The following STK31 variants were observed in gnomAD, a reference collection of about 807,000 sequenced individuals.
STK31 encodes the protein serine/threonine kinase 31.
STK31 carries 89 observed loss-of-function variants against 129.7 expected under a neutral mutation model. The observed-to-expected ratio is 0.69, with a 90% CI of 0.58 to 0.82. The LOEUF (loss-of-function observed/expected upper bound fraction) is 0.82. Among genes scored for constraint, STK31 ranks in the 40% least tolerant of loss-of-function variants. STK31 has a pLI of 0.00. For missense variants in STK31, 1,187 were observed against 1,176.4 expected, an observed-to-expected ratio of 1.01 and a Z score of -0.13; for synonymous variants, 448 against 395.3, an observed-to-expected ratio of 1.13 and a Z score of -1.58.
chr7:23,729,415 AG>A (rs1787265984), intron 6 of STK31, among the ~76,000 whole-genome samples, 166 bp downstream of exon 6: 2 of 152,184 alleles, frequency 1.3e-5, no homozygotes, highest in Admixed American at 6.5e-5. Flanking sequence ...CATCTTTGCT[AG>A]GTAAACATTG....
Position 23,735,407 on chromosome 7 carries a change from T to G in STK31, c.484-131T>G, listed in dbSNP as rs373203386. On this transcript the variant is annotated intron_variant, in intron 6 of 23. Transcript: ENST00000355870. ...ATACGTGGAGATGCATATTTGCATA[T>G]TATAGCCAACAGCAAAGTAATATAG... 16 of 770,960 alleles carry G rather than the reference T, an allele frequency of 2.1e-5. No individual in the cohort carries two copies. In the East Asian group the frequency reaches 4.0e-4, roughly 19 times the overall value. 47.8% of individuals were successfully genotyped at this position (770,960 alleles called of 1,614,324 possible).
At chr7:23,745,512 G>T (rs111888750) in intron 8 of STK31, among the ~76,000 whole-genome samples, 2,551 of 152,330 alleles carry the variant, frequency 0.017, 40 homozygotes, top group African/African-American at 0.043. Flanking sequence ...GAGGCAGTTT[G>T]CAAGGGCAGC....
At chr7:23,742,952 C>CTTT (rs56363240) in intron 8 of STK31, among the ~76,000 whole-genome samples, 4 of 115,570 alleles carry the variant, frequency 3.5e-5, no homozygotes, top group African/African-American at 1.2e-4. Context: ...GGGTTTTATA[C>CTTT]TTTTTTTTTT....
intron 22 of STK31, among the ~76,000 whole-genome samples, chr7:23,804,872 G>A (rs28735578): frequency 0.099 from 15,088 of 151,706 alleles, 1,073 homozygotes; most frequent in African/African-American, 0.2. Flanking sequence ...TTTATTTACT[G>A]TCTCTCTTTT....
At chr7:23,812,156 CTTAT>C (rs1251246954) in intron 22 of STK31, among the ~76,000 whole-genome samples, 1 of 152,020 alleles carries the variant, frequency 6.6e-6, no homozygotes, top group Non-Finnish European at 1.5e-5. Context: ...TTCGTTTTCC[CTTAT>C]TTGAGAACAT....
intron 23 of STK31, 56 bp from the exon 24 acceptor site, chr7:23,832,080 C>T (rs1794584315): frequency 7.8e-7 from 1 of 1,284,108 alleles, no homozygotes; most frequent in Admixed American, 1.8e-5. Context: ...CTTCCTTCTT[C>T]ATTACAGATT....
intron 23 of STK31, among the ~76,000 whole-genome samples, chr7:23,817,200 A>ATAATAATAATAATCTGCCTG (rs1793526203): frequency 6.6e-6 from 1 of 151,862 alleles, no homozygotes; most frequent in Non-Finnish European, 1.5e-5. Flanking sequence ...AAAAAAAAAA[A>ATAATAATAATAATCTGCCTG]TAATAATAAT....
At chr7:23,740,602 G>A (rs923716677) in intron 8 of STK31, among the ~76,000 whole-genome samples, 7 of 152,028 alleles carry the variant, frequency 4.6e-5, no homozygotes, top group East Asian at 1.9e-4. Flanking sequence ...CCATTAACTC[G>A]TCATTTAGCA....
At position 23,737,048 on chromosome 7, in the gene STK31, GA is replaced by G. The variant is rs1200565033; in HGVS notation, c.990del (p.Val331Ter). On this transcript the variant is annotated frameshift_variant, in exon 8 of 24. Coordinates refer to ENST00000355870, the MANE Select transcript of STK31 (RefSeq NM_031414.5). LOFTEE classifies it high-confidence loss of function. ...TTGAAAGTTATAAGGCGTTAGAATT[GA>G]AAGTAGAGCAGATTGCCCAGGAGCT... is the stretch of plus-strand genomic sequence containing the variant. ...LLESYKALEL[K>X]VEQIAQELQQ... The G allele has an allele frequency of 1.2e-6, 2 of 1,609,984 alleles. No homozygotes were observed. The highest frequency in any genetic ancestry group is 1.7e-6 in the Non-Finnish European group (2 of 1,179,382).
rs1554297249 is a variant in STK31 at position 23,808,943 on chromosome 7, T to TTGTGTGTGTGTGTGTGTGTGTGTG, written c.2761-6196_2761-6173dup. ...AGGAAGCAGGCTTTTCTTGGAGCTT[T>TTGTGTGTGTGTGTGTGTGTGTGTG]TGTGTGTGTGTGTGTGTGTGTGTGT... On this transcript the variant is annotated intron_variant, in intron 22 of 23. Coordinates refer to ENST00000355870, the MANE Select transcript of STK31 (RefSeq NM_031414.5). Among the ~76,000 whole-genome samples, 303 of 84,474 alleles carry TTGTGTGTGTGTGTGTGTGTGTGTG rather than the reference T, an allele frequency of 3.6e-3. 8 individuals carry two copies. The highest frequency in any genetic ancestry group is 8.6e-3 in the African/African-American group (242 of 28,296). 55.4% of individuals were successfully genotyped at this position (84,474 alleles called of 152,430 possible).
At chr7:23,736,607 C>G (rs7776862) in intron 7 of STK31, among the ~76,000 whole-genome samples, 1 of 142,034 alleles carries the variant, frequency 7.0e-6, no homozygotes, top group Admixed American at 7.4e-5. Flanking sequence ...ACAGGAGGGA[C>G]TGGAAAAAAA....
intron 22 of STK31, among the ~76,000 whole-genome samples, chr7:23,791,866 G>C (rs1274288399): frequency 6.6e-6 from 1 of 152,208 alleles, no homozygotes; most frequent in Non-Finnish European, 1.5e-5. Context: ...GGTCTCTGTT[G>C]CAAGTACTGA....
intron 8 of STK31, among the ~76,000 whole-genome samples, chr7:23,750,067 T>TCCCCCCCCCCCCCCCCC (rs1171568592): frequency 1.2e-4 from 11 of 90,608 alleles, no homozygotes; most frequent in East Asian, 3.1e-4. Context: ...ATGGTTTGTT[T>TCCCCCCCCCCCCCCCCC]CCCCCCCCGC....
At chr7:23,736,138 A>G (rs2067947624) in intron 7 of STK31, among the ~76,000 whole-genome samples, 1 of 152,226 alleles carries the variant, frequency 6.6e-6, no homozygotes, top group Non-Finnish European at 1.5e-5. Flanking sequence ...CCAACTTTTC[A>G]TGCCAACTAT....
At chr7:23,752,446 C>G (rs112103994) in intron 8 of STK31, among the ~76,000 whole-genome samples, 3 of 151,492 alleles carry the variant, frequency 2.0e-5, no homozygotes, top group African/African-American at 4.8e-5. Context: ...GCCTCCCTAA[C>G]TCAAGCCATC....
intron 23 of STK31, among the ~76,000 whole-genome samples, chr7:23,826,335 C>G (rs1420937561): frequency 1.3e-5 from 2 of 151,976 alleles, no homozygotes; most frequent in Admixed American, 6.6e-5. Flanking sequence ...TTGAATTGAT[C>G]CCTTTAACAT....
At chr7:23,766,516 A>G (rs957963361) in intron 11 of STK31, among the ~76,000 whole-genome samples, 3 of 152,126 alleles carry the variant, frequency 2.0e-5, no homozygotes, top group Non-Finnish European at 4.4e-5. Flanking sequence ...GGCCTCCTAA[A>G]GTGCTGGGAT....
chr7:23,812,456 C>T, intron 22 of STK31, among the ~76,000 whole-genome samples: 1 of 138,406 alleles, frequency 7.2e-6, no homozygotes, highest in African/African-American at 2.7e-5. Flanking sequence ...TTGGGGTTTG[C>T]ACATCTTCTT....
chr7:23,775,588 G>A (rs1790485243), intron 15 of STK31, among the ~76,000 whole-genome samples: 1 of 152,022 alleles, frequency 6.6e-6, no homozygotes, highest in Non-Finnish European at 1.5e-5. Context: ...TCCCTTTGTA[G>A]CAATTGTGAA....
Sources: allele counts gnomAD v4.1 joint callset (sites outside exome capture counted in the v4.1 genomes callset), GRCh38; gene constraint gnomAD v4.1.1; transcripts MANE v1.5; gene names NCBI Gene and HGNC (gene_info 2026-07-23, HGNC 2026-07-21).